Variants in ZNF521 observed in about 807,000 individuals in gnomAD.
The protein encoded by ZNF521 is zinc finger protein 521.
Under a neutral mutation model 105.5 loss-of-function variants are expected in ZNF521, and 14 were observed. The ratio of observed to expected loss-of-function variants is 0.13; its 90% CI spans 0.09 to 0.21. ZNF521 has a LOEUF of 0.21. Among genes scored for constraint, ZNF521 ranks in the 10% least tolerant of loss-of-function variants. ZNF521 has a pLI of 1.00. For synonymous variants in ZNF521, 635 were observed against 606.0 expected (o/e 1.05, Z -0.70); for missense variants, 1,233 against 1,629.7 (o/e 0.76, Z 4.19).
chr18:25,202,930 C>G (rs916176479), intron 4 of ZNF521: 3 of 152,108 alleles, frequency 2.0e-5, no homozygotes, highest in Non-Finnish European at 4.4e-5. Flanking sequence ...TATCAATATT[C>G]TAATTTGTAT....
chr18:25,303,759 T>C (rs1423394914), intron 3 of ZNF521, among the ~76,000 whole-genome samples: 1 of 152,196 alleles, frequency 6.6e-6, no homozygotes, highest in African/African-American at 2.4e-5. Context: ...TTGGTATAAA[T>C]GGATTTTTAA....
chr18:25,316,478 G>A (rs906666037), intron 3 of ZNF521, among the ~76,000 whole-genome samples: 24 of 151,838 alleles, frequency 1.6e-4, no homozygotes, highest in African/African-American at 5.8e-4. Context: ...AATTCAAGCA[G>A]TGGGAAGCCA....
intron 2 of ZNF521, among the ~76,000 whole-genome samples, chr18:25,333,192 G>A (rs190988019): frequency 1.9e-4 from 28 of 151,332 alleles, no homozygotes; most frequent in Middle Eastern, 3.6e-3. Flanking sequence ...TAATATCAAC[G>A]AAATCAATCA....
intron 3 of ZNF521, among the ~76,000 whole-genome samples, chr18:25,260,810 A>G (rs1485024927): frequency 6.6e-6 from 1 of 152,162 alleles, no homozygotes; most frequent in African/African-American, 2.4e-5. Flanking sequence ...CATAGGTACA[A>G]ATGAAAATAC....
intron 3 of ZNF521, among the ~76,000 whole-genome samples, chr18:25,319,646 G>A (rs973629423): frequency 6.6e-6 from 1 of 151,416 alleles, no homozygotes; most frequent in Non-Finnish European, 1.5e-5. Context: ...TGAATATGTA[G>A]ATATTTATAT....
At chr18:25,126,270 T>C (rs943453856) in intron 5 of ZNF521, among the ~76,000 whole-genome samples, 4 of 152,126 alleles carry the variant, frequency 2.6e-5, no homozygotes, top group African/African-American at 9.6e-5. Flanking sequence ...TTCTCCAGCA[T>C]CTAACTTTTT....
At chr18:25,277,406 C>T in intron 3 of ZNF521, among the ~76,000 whole-genome samples, 1 of 152,014 alleles carries the variant, frequency 6.6e-6, no homozygotes, top group Middle Eastern at 3.4e-3. Context: ...GAAAGGTAAG[C>T]TTAGGGCACA....
chr18:25,312,930 C>T (rs1912399947), intron 3 of ZNF521, among the ~76,000 whole-genome samples: 5 of 151,886 alleles, frequency 3.3e-5, no homozygotes, highest in Admixed American at 3.3e-4. Flanking sequence ...AACAAAGTGA[C>T]ACACTCAGCC....
chr18:25,124,043 TGGAGCCTGC>T (rs2034493099), intron 5 of ZNF521, among the ~76,000 whole-genome samples: 1 of 152,164 alleles, frequency 6.6e-6, no homozygotes. Flanking sequence ...CAGTGCTGCT[TGGAGCCTGC>T]GTTAAGTGAT....
chr18:25,279,875 T>C (rs1225423983), intron 3 of ZNF521, among the ~76,000 whole-genome samples: 1 of 152,204 alleles, frequency 6.6e-6, no homozygotes, highest in Non-Finnish European at 1.5e-5. Context: ...TACAAGGCTA[T>C]CAGGCTATAA....
chr18:25,107,025 C>T (rs1234767603), intron 5 of ZNF521, among the ~76,000 whole-genome samples: 1 of 152,142 alleles, frequency 6.6e-6, no homozygotes, highest in African/African-American at 2.4e-5. Context: ...GCCTTTCTTC[C>T]CATGCGACAT....
intron 2 of ZNF521, among the ~76,000 whole-genome samples, chr18:25,338,257 TTTTGTG>T (rs1019982271): frequency 2.1e-4 from 7 of 32,984 alleles, no homozygotes; most frequent in African/African-American, 7.2e-4. Flanking sequence ...TCTCATAGAC[TTTTGTG>T]TGTGTGTGTG....
intron 4 of ZNF521, among the ~76,000 whole-genome samples, chr18:25,199,613 T>C (rs751931429): frequency 1.1e-4 from 17 of 152,030 alleles, no homozygotes; most frequent in Admixed American, 7.9e-4. Context: ...TATATAATCA[T>C]ATATAAGTAA....
intron 5 of ZNF521, among the ~76,000 whole-genome samples, chr18:25,150,982 T>A (rs542940618): frequency 6.6e-6 from 1 of 151,388 alleles, no homozygotes; most frequent in South Asian, 2.1e-4. Context: ...TTGACCTCCT[T>A]GGCTCAAGTG....
chr18:25,308,193 C>CAAAAA (rs756580169), intron 3 of ZNF521, among the ~76,000 whole-genome samples: 2 of 31,100 alleles, frequency 6.4e-5, no homozygotes, highest in African/African-American at 1.5e-4. Flanking sequence ...GACTGCATCT[C>CAAAAA]AAAAAAAAAA....
At chr18:25,259,680 A>T (rs1908776293) in intron 3 of ZNF521, among the ~76,000 whole-genome samples, 2 of 152,136 alleles carry the variant, frequency 1.3e-5, no homozygotes, top group Non-Finnish European at 2.9e-5. Flanking sequence ...AGTGCCTACC[A>T]TGTGCCAGGC....
At chr18:25,071,084 T>C (rs1460112868) in intron 7 of ZNF521, among the ~76,000 whole-genome samples, 4 of 152,182 alleles carry the variant, frequency 2.6e-5, no homozygotes, top group Admixed American at 6.5e-5. Flanking sequence ...TGAAAACACA[T>C]TGAGCTTGCT....
chr18:25,305,030 T>C (rs1911895070), intron 3 of ZNF521, among the ~76,000 whole-genome samples: 1 of 152,208 alleles, frequency 6.6e-6, no homozygotes, highest in Non-Finnish European at 1.5e-5. Flanking sequence ...TTAATATGTT[T>C]GATGTGCTGC....
intron 3 of ZNF521, among the ~76,000 whole-genome samples, chr18:25,257,900 A>G (rs1437194344): frequency 6.6e-6 from 1 of 152,122 alleles, no homozygotes; most frequent in Non-Finnish European, 1.5e-5. Flanking sequence ...TTCTCCTTCA[A>G]TATTTTGTAT....
Sources: allele counts gnomAD v4.1 joint callset (sites outside exome capture counted in the v4.1 genomes callset), GRCh38; gene constraint gnomAD v4.1.1; transcripts MANE v1.5; gene names NCBI Gene and HGNC (gene_info 2026-07-23, HGNC 2026-07-21).